Variants in ZNF544 observed in about 807,000 individuals in gnomAD.
ZNF544 encodes the protein zinc finger protein 544.
ZNF544 carries 10 observed loss-of-function variants against 13.5 expected under a neutral mutation model. The observed-to-expected ratio is 0.74, with a 90% CI of 0.46 to 1.25. The LOEUF is 1.25. ZNF544 is among the 50% of genes most tolerant of loss of function. The pLI is 0.00. For missense variants in ZNF544, 896 were observed against 845.6 expected (o/e 1.06, Z -0.74); for synonymous variants, 323 against 300.5 (o/e 1.07, Z -0.77).
At position 58,263,300 on chromosome 19, in the gene ZNF544, A is replaced by C; in HGVS notation, c.*546A>C. 2 of 879,958 alleles carry C rather than the reference A, an allele frequency of 2.3e-6. No homozygotes were observed. Among genetic ancestry groups the C allele is most frequent in the Non-Finnish European group, 2.7e-6 (2 of 733,392 alleles). 54.5% of individuals were successfully genotyped at this position (879,958 alleles called of 1,614,324 possible). On this transcript the variant is annotated 3_prime_UTR_variant, in exon 7 of 7. Transcript: ENST00000687789. Reference sequence around the variant, plus strand: ...ACATGGCAAAATCCTGTCTTTACAAAAAATACAAAAATTAGCCTAGCATGG... The same window carrying C: ...ACATGGCAAAATCCTGTCTTTACAACAAATACAAAAATTAGCCTAGCATGG...
At chr19:58,239,581 T>C (rs921741690) in intron 3 of ZNF544, among the ~76,000 whole-genome samples, 1 of 152,128 alleles carries the variant, frequency 6.6e-6, no homozygotes, top group Non-Finnish European at 1.5e-5. Flanking sequence ...ACAGTTACAG[T>C]TTAGTACATT....
chr19:58,273,964 T>G (rs1371665331), intron 5 of ZNF544, among the ~76,000 whole-genome samples: 1 of 151,610 alleles, frequency 6.6e-6, no homozygotes, highest in African/African-American at 2.4e-5. Flanking sequence ...CCCGGCTAAT[T>G]TTTGTATTTT....
intron 5 of ZNF544, among the ~76,000 whole-genome samples, chr19:58,269,349 C>T (rs989546357): frequency 2.6e-5 from 4 of 151,848 alleles, no homozygotes; most frequent in Non-Finnish European, 4.4e-5. Flanking sequence ...GCAGGAGAAT[C>T]GCTTGAACTC....
intron 4 of ZNF544, among the ~76,000 whole-genome samples, chr19:58,245,289 G>C (rs9676287): frequency 0.075 from 11,017 of 146,026 alleles, 869 homozygotes; most frequent in African/African-American, 0.19. Flanking sequence ...TAATCACCTT[G>C]TTTGTGGGGT....
At position 58,229,673 on chromosome 19, in the gene ZNF544, C is replaced by G. The variant is rs2040782875; in HGVS notation, c.-129+103C>G. The G allele has an allele frequency of 1.3e-5, 2 of 152,400 alleles. 1 individual carries two copies. Among genetic ancestry groups the G allele is most frequent in the Admixed American group, 1.3e-4 (2 of 15,278 alleles). 9.4% of individuals were successfully genotyped at this position (152,400 alleles called of 1,614,324 possible). A position where few individuals can be genotyped will look rare whatever the true frequency, so the allele number is the denominator to read the frequency against. ...CAGGGGTAACTGGGGTGTTGGGGGC[C>G]TGCACTGGTTAAGCGATGCTGGTGC... On this transcript the variant is annotated intron_variant, in intron 2 of 6. Coordinates refer to ENST00000687789, the MANE Select transcript of ZNF544 (RefSeq NM_014480.4).
At chr19:58,267,701 G>T (rs1010346322), downstream of ZNF544, 5 of 110,080 alleles carry the variant, frequency 4.5e-5, no homozygotes, top group African/African-American at 2.0e-4. Context: ...AAAAAAAAAA[G>T]GTCTGGTGCG....
At position 58,262,597 on chromosome 19, in the gene ZNF544, A is replaced by G; in HGVS notation, c.1991A>G (p.Gln664Arg). The G allele has an allele frequency of 6.2e-7, 1 of 1,614,202 alleles. No homozygotes were observed. The highest frequency in any genetic ancestry group is 1.1e-5 in the South Asian group (1 of 91,084). Residue 664 changes from glutamine to arginine, a missense_variant, in exon 7 of 7, where the codon CAG (glutamine) becomes CGG (arginine). By Grantham distance (43) the Gln-to-Arg change is conservative. Transcript: ENST00000687789. ...GGTGAGAAACCTTTTGAGTGTAGTCAGTGTGGGAAAGCCTTTTCAGGGAGC... is the reference window on the plus strand; with the variant it reads ...GGTGAGAAACCTTTTGAGTGTAGTCGGTGTGGGAAAGCCTTTTCAGGGAGC... ...HTGEKPFECS[Q>R]CGKAFSGSSN...
intron 5 of ZNF544, chr19:58,276,241 C>A: frequency 3.2e-6 from 2 of 626,812 alleles, no homozygotes; most frequent in Non-Finnish European, 4.6e-6. Context: ...GATCTTTGCA[C>A]ACCTGCCCCT....
Position 58,262,656 on chromosome 19 carries a change from G to C in ZNF544, c.2050G>C (p.Gly684Arg), listed in dbSNP as rs1363924979. Residue 684 changes from glycine (G) to arginine (R), a missense_variant, in exon 7 of 7, where the codon GGA becomes CGA. Transcript: ENST00000687789. ...NLLSHHRIHS[G>R]EKPYECSDCG... ...TCTTTCCCATCACAGAATTCATTCT[G>C]GAGAGAAACCCTATGAATGTAGTGA... The C allele has an allele frequency of 6.2e-7, 1 of 1,613,992 alleles. No individual in the cohort carries two copies. The highest frequency in any genetic ancestry group is 8.5e-7 in the Non-Finnish European group (1 of 1,180,018).
intron 5 of ZNF544, among the ~76,000 whole-genome samples, chr19:58,276,021 A>G (rs2051195993): frequency 6.6e-6 from 1 of 152,040 alleles, no homozygotes; most frequent in Non-Finnish European, 1.5e-5. Context: ...TCCAGTCTCT[A>G]CAAAAATTGG....
At chr19:58,236,387 A>C (rs1003686913) in intron 3 of ZNF544, among the ~76,000 whole-genome samples, 5 of 150,302 alleles carry the variant, frequency 3.3e-5, no homozygotes, top group African/African-American at 4.9e-5. Context: ...AATCCCAGCT[A>C]CTCGGAGGCT....
Position 58,228,945 on chromosome 19 carries a change from A to C in ZNF544, c.-233A>C, listed in dbSNP as rs990811798. The C allele has an allele frequency of 6.6e-6, 1 of 152,338 alleles. No individual in the cohort carries two copies. The highest frequency in any genetic ancestry group is 2.4e-5 in the African/African-American group (1 of 41,462). The allele number at this position is 152,338 out of a possible 1,614,324, so 9.4% of individuals were successfully genotyped here. A position where few individuals can be genotyped will look rare whatever the true frequency, so the allele number is the denominator to read the frequency against. ...AGCACCGCCATTGGCCGGTGCGTGC[A>C]GGTGAGTCTGGCGGCCTCAAGGTTG... On this transcript the variant is annotated splice_region_variant and 5_prime_UTR_variant, in exon 1 of 7. Coordinates refer to ENST00000687789, the MANE Select transcript of ZNF544 (RefSeq NM_014480.4).
chr19:58,266,858 A>C (rs759221330), downstream of ZNF544: 1 of 152,218 alleles, frequency 6.6e-6, no homozygotes. Flanking sequence ...GGCATTTCAG[A>C]ACTTTTTACC....
chr19:58,250,800 AT>A (rs1286852423), intron 6 of ZNF544, among the ~76,000 whole-genome samples: 68 of 152,240 alleles, frequency 4.5e-4, no homozygotes, highest in African/African-American at 1.6e-3. Context: ...AAGGCCAAAG[AT>A]TGGGCTGGGA....
chr19:58,259,982 C>T (rs540636886), intron 6 of ZNF544, among the ~76,000 whole-genome samples: 3 of 152,258 alleles, frequency 2.0e-5, no homozygotes, highest in East Asian at 3.9e-4. Flanking sequence ...GCTGTAATCC[C>T]AGCACTTTGG....
At position 58,261,686 on chromosome 19, in the gene ZNF544, A is replaced by T; in HGVS notation, c.1080A>T (p.Gly360=). 1 of 1,614,228 alleles carries T rather than the reference A, an allele frequency of 6.2e-7. No homozygotes were observed. The highest frequency in any genetic ancestry group is 1.1e-5 in the South Asian group (1 of 91,088). Residue 360 remains glycine (G), a synonymous_variant, in exon 7 of 7, where the codon GGA becomes GGT. Transcript: ENST00000687789. The part of the protein sequence containing the change: ...TEKPSVCNQC[G]KSFSCCKLIH... Reference sequence around the variant, plus strand: ...AGCCATCTGTGTGTAATCAGTGTGGAAAATCTTTCAGCTGTTGTAAGCTCA... The same window carrying T: ...AGCCATCTGTGTGTAATCAGTGTGGTAAATCTTTCAGCTGTTGTAAGCTCA...
chr19:58,238,198 C>CT (rs2042840385), intron 3 of ZNF544, among the ~76,000 whole-genome samples: 2 of 152,168 alleles, frequency 1.3e-5, no homozygotes, highest in Admixed American at 1.3e-4. Flanking sequence ...TCCCAGAGTG[C>CT]TGGGATTACA....
intron 5 of ZNF544, among the ~76,000 whole-genome samples, chr19:58,275,742 A>T (rs1568518752): frequency 7.1e-6 from 1 of 141,594 alleles, no homozygotes; most frequent in East Asian, 2.0e-4. Flanking sequence ...CTGTGATCAC[A>T]CCACTGCTCT....
intron 6 of ZNF544, among the ~76,000 whole-genome samples, chr19:58,249,924 CATTCCCAGTCCCGCGGTTATTTGT>C (rs2046020040): frequency 6.6e-6 from 1 of 152,178 alleles, no homozygotes; most frequent in South Asian, 2.1e-4. Flanking sequence ...GGCTGACTCC[CATTCCCAGTCCCGCGGTTATTTGT>C]AGTCCTACCA....
Sources: gnomAD v4.1 joint callset for allele counts (sites outside exome capture counted in the v4.1 genomes callset) on GRCh38, gnomAD v4.1.1 for gene constraint, MANE v1.5 for transcripts, NCBI Gene and HGNC (gene_info 2026-07-23, HGNC 2026-07-21) for gene names.